SLC6A4: variants seen among roughly 807,000 people sequenced by gnomAD.
SLC6A4 encodes the protein solute carrier family 6 member 4, also known as sodium-dependent serotonin transporter.
In SLC6A4, 22 loss-of-function variants were observed where a neutral mutation model predicts 73.4. The ratio of observed to expected loss-of-function variants is 0.30; its 90% CI spans 0.21 to 0.43. The LOEUF is 0.43. Ranked by LOEUF, SLC6A4 falls within the 20% of genes least tolerant of loss-of-function variation. The pLI, the probability that SLC6A4 is intolerant of heterozygous loss-of-function variation, is 1.00. For synonymous variants in SLC6A4, 270 were observed against 315.5 expected (o/e 0.86, Z 1.53); for missense variants, 593 against 808.5 (o/e 0.73, Z 3.23).
At chr17:30,226,971 A>G (rs566366249) in intron 1 of SLC6A4, among the ~76,000 whole-genome samples, 1 of 152,256 alleles carries the variant, frequency 6.6e-6, no homozygotes, top group South Asian at 2.1e-4. Flanking sequence ...AAGAAAACCA[A>G]CTGCTAGGAA....
At chr17:30,232,804 C>T (rs1907152381) in intron 1 of SLC6A4, among the ~76,000 whole-genome samples, 1 of 152,228 alleles carries the variant, frequency 6.6e-6, no homozygotes, top group African/African-American at 2.4e-5. Flanking sequence ...TCACCCAGAG[C>T]AAACAAAAGT....
chr17:30,224,686 G>C (rs999375630), intron 1 of SLC6A4, among the ~76,000 whole-genome samples: 5 of 152,190 alleles, frequency 3.3e-5, no homozygotes, highest in African/African-American at 1.2e-4. Flanking sequence ...AATACTTTGG[G>C]GAGAGGAAAT....
At chr17:30,218,518 C>CTCATATGT (rs1446299977) in intron 4 of SLC6A4, among the ~76,000 whole-genome samples, 181 bp from the exon 5 acceptor site, 2 of 152,220 alleles carry the variant, frequency 1.3e-5, no homozygotes, top group African/African-American at 4.8e-5. Flanking sequence ...CCGTTAGTCA[C>CTCATATGT]TCATATGTAT....
intron 13 of SLC6A4, chr17:30,206,239 G>GAAA (rs1906190143): frequency 2.5e-5 from 1 of 39,410 alleles, no homozygotes; most frequent in African/African-American, 1.1e-4. Context: ...GGCTCTAAAA[G>GAAA]ACAAAAAAAA....
In SLC6A4 at chr17:30,217,944, T is replaced by C. The variant is rs573063799; in HGVS notation, c.698+174A>G. Among the ~76,000 whole-genome samples, 11 of 152,296 alleles carry C rather than the reference T, an allele frequency of 7.2e-5. 1 individual carries two copies. In the South Asian group the frequency reaches 1.7e-3, roughly 23 times the overall value. On this transcript the variant is annotated intron_variant, in intron 5 of 14. Coordinates refer to ENST00000650711, the MANE Select transcript of SLC6A4 (RefSeq NM_001045.6). The stretch of plus-strand genomic sequence containing the variant: ...AAGGAGGCACAGCAGGGCCAGGCCG[T>C]GGAGCACTTGAGGTAGAGTTTCCCA...
intron 14 of SLC6A4, among the ~76,000 whole-genome samples, chr17:30,200,635 A>C (rs12449783): frequency 0.39 from 58,988 of 152,092 alleles, 13,688 homozygotes; most frequent in East Asian, 0.82. Flanking sequence ...CAGACTAGCA[A>C]GTCTGGTATT....
intron 13 of SLC6A4, among the ~76,000 whole-genome samples, chr17:30,203,917 T>A (rs536062607): frequency 6.6e-6 from 1 of 152,354 alleles, no homozygotes; most frequent in Admixed American, 6.5e-5. Flanking sequence ...CCTTCTCCCA[T>A]TTTCCTGAGC....
rs199835170 is a variant in SLC6A4 at position 30,218,132 on chromosome 17, A to G, written c.684T>C (p.Ala228=). 145 of 1,614,104 alleles carry G rather than the reference A, an allele frequency of 9.0e-5. 3 individuals are homozygous for G. The East Asian group carries it at 3.1e-3, about 35-fold the overall frequency. Reference sequence around the variant, plus strand: ...CGTGCACTTACGTGTAAAATTCTTCAGCAGGGGACGTGGAATGGAGGGTCC... The same window carrying G: ...CGTGCACTTACGTGTAAAATTCTTCGGCAGGGGACGTGGAATGGAGGGTCC... The part of the protein sequence containing the change: ...ITWTLHSTSP[A]EEFYTRHVLQ... Residue 228 remains alanine (A), a synonymous_variant, in exon 5 of 15, where the codon GCT becomes GCC. Transcript: ENST00000650711.
At chr17:30,210,777 C>T (rs1482105297) in intron 10 of SLC6A4, 131 bp from the exon 11 acceptor site, 7 of 930,560 alleles carry the variant, frequency 7.5e-6, no homozygotes, top group African/African-American at 1.7e-5. Flanking sequence ...TTCCCCGGCT[C>T]GCTGGACCAT....
intron 8 of SLC6A4, among the ~76,000 whole-genome samples, chr17:30,214,093 T>C (rs558620216): frequency 1.3e-5 from 2 of 152,242 alleles, no homozygotes; most frequent in African/African-American, 4.8e-5. Context: ...TTTCCTGTTC[T>C]GTTAAAATTT....
At position 30,216,133 on chromosome 17, in the gene SLC6A4, C is replaced by G. The variant is rs1597639908; in HGVS notation, c.921G>C (p.Arg307Ser). Residue 307 changes from arginine (R) to serine (S), a missense_variant, in exon 7 of 15, where the codon AGG becomes AGC. Coordinates refer to ENST00000650711, the MANE Select transcript of SLC6A4 (RefSeq NM_001045.6). ...TGGGTTTCAAGTAGAAGAGAACACC[C>G]CTCCAGGCTCCAGGGAGGGTGGCAC... ...VRGATLPGAW[R>S]GVLFYLKPNW... The G allele has an allele frequency of 3.7e-6, 6 of 1,613,454 alleles. No homozygotes were observed. The East Asian group carries it at 1.3e-4, about 36-fold the overall frequency.
rs532632592 is a variant in SLC6A4, at chr17:30,234,123, C to T, written c.-221+1490G>A. ...TGCTCAGACGACTCTAAACATCCCC[C>T]GAGAGGAATTTCTGAGGTCTTTCAG... On this transcript the variant is annotated intron_variant, in intron 1 of 14. Coordinates refer to ENST00000650711, the MANE Select transcript of SLC6A4 (RefSeq NM_001045.6). Among the ~76,000 whole-genome samples the T allele has an allele frequency of 3.6e-4, 55 of 152,092 alleles. 1 individual carries two copies. In the South Asian group the frequency reaches 6.7e-3, roughly 18 times the overall value.
intron 9 of SLC6A4, among the ~76,000 whole-genome samples, chr17:30,212,232 G>A (rs141805301): frequency 2.9e-4 from 44 of 152,286 alleles, no homozygotes; most frequent in African/African-American, 1.1e-3. Context: ...ATCACAGGAA[G>A]CAAACCCACT....
intron 3 of SLC6A4, 27 bp from the exon 4 acceptor site, chr17:30,218,958 T>C: frequency 6.2e-7 from 1 of 1,613,096 alleles, no homozygotes; most frequent in Non-Finnish European, 8.5e-7. Flanking sequence ...ACAATTTCAC[T>C]CCCTGCCCAC....
chr17:30,208,130 G>A (rs1447267877), intron 12 of SLC6A4, among the ~76,000 whole-genome samples: 1 of 152,152 alleles, frequency 6.6e-6, no homozygotes, highest in African/African-American at 2.4e-5. Context: ...TGGGCATCTG[G>A]AAGGATGGAT....
At position 30,217,389 on chromosome 17, in the gene SLC6A4, C is replaced by T. The variant is rs56263627; in HGVS notation, c.699-85G>A. The T allele has an allele frequency of 5.3e-4, 734 of 1,375,988 alleles. 2 individuals carry two copies. In the African/African-American group the frequency reaches 9.4e-3, roughly 18 times the overall value. The allele number at this position is 1,375,988 out of a possible 1,614,324, so 85.2% of individuals were successfully genotyped here. A position where few individuals can be genotyped will look rare whatever the true frequency, so the allele number is the denominator to read the frequency against. On this transcript the variant is annotated intron_variant, in intron 5 of 14. Coordinates refer to ENST00000650711, the MANE Select transcript of SLC6A4 (RefSeq NM_001045.6). ...TCTGTGCTGCTCCTTTGAGGGTGCCCGGGACAAATGGACACGGTGCTGCTA... is the reference window on the plus strand; with the variant it reads ...TCTGTGCTGCTCCTTTGAGGGTGCCTGGGACAAATGGACACGGTGCTGCTA...
chr17:30,214,794 G>A (rs1180135495), intron 8 of SLC6A4, among the ~76,000 whole-genome samples: 9 of 151,458 alleles, frequency 5.9e-5, no homozygotes, highest in African/African-American at 7.3e-5. Flanking sequence ...CACCACGCCC[G>A]GCTAATTTGT....
chr17:30,221,555 CCCA>C, intron 3 of SLC6A4, 58 bp downstream of exon 3: 1 of 1,479,376 alleles, frequency 6.8e-7, no homozygotes, highest in Non-Finnish European at 9.3e-7. Flanking sequence ...CGGGTCACAG[CCCA>C]CTCCGGGTCA....
At chr17:30,209,097 G>A (rs200684628) in intron 12 of SLC6A4, 46 bp downstream of exon 12, 25 of 1,352,922 alleles carry the variant, frequency 1.8e-5, no homozygotes, top group African/African-American at 1.6e-4. Context: ...TACTGTGCTG[G>A]CTGATGGTGT....
Sources: allele counts gnomAD v4.1 joint callset (sites outside exome capture counted in the v4.1 genomes callset), GRCh38; gene constraint gnomAD v4.1.1; transcripts MANE v1.5; gene names NCBI Gene and HGNC (gene_info 2026-07-23, HGNC 2026-07-21).